The following ABTB3 variants were observed in gnomAD, a reference collection of about 807,000 sequenced individuals.
ABTB3 encodes ankyrin repeat- and BTB/POZ domain-containing protein 3.
the ABTB3 span, among the ~76,000 whole-genome samples, chr12:107,621,115 A>C: frequency 6.6e-6 from 1 of 152,224 alleles, no homozygotes; most frequent in Non-Finnish European, 1.5e-5. Context: ...AGGAGGCAGC[A>C]ACACAGCATC....
chr12:107,447,799 G>A, the ABTB3 span, among the ~76,000 whole-genome samples: 1 of 152,136 alleles, frequency 6.6e-6, no homozygotes, highest in Non-Finnish European at 1.5e-5. Flanking sequence ...GCCAAGAACA[G>A]CCTCTTCATG....
the ABTB3 span, among the ~76,000 whole-genome samples, chr12:107,514,027 T>C: frequency 6.6e-6 from 1 of 152,248 alleles, no homozygotes; most frequent in African/African-American, 2.4e-5. Flanking sequence ...AGGTACTTTC[T>C]ATAGGCCAGA....
At chr12:107,498,856 G>A in the ABTB3 span, among the ~76,000 whole-genome samples, 46,230 of 152,110 alleles carry the variant, frequency 0.3, 9,118 homozygotes, top group African/African-American at 0.56. Flanking sequence ...CATCTTTGGG[G>A]ACCATTATAA....
At chr12:107,334,069 G>T in the ABTB3 span, among the ~76,000 whole-genome samples, 1 of 152,196 alleles carries the variant, frequency 6.6e-6, no homozygotes, top group African/African-American at 2.4e-5. Context: ...GCATGAGTGA[G>T]CCAAGAGTAA....
chr12:107,414,967 G>C, the ABTB3 span, among the ~76,000 whole-genome samples: 2 of 152,138 alleles, frequency 1.3e-5, no homozygotes, highest in African/African-American at 4.8e-5. Context: ...ACCTGCCTTG[G>C]CTTCCCAAAG....
chr12:107,392,881 C>G, the ABTB3 span, among the ~76,000 whole-genome samples: 1 of 152,276 alleles, frequency 6.6e-6, no homozygotes, highest in African/African-American at 2.4e-5. Context: ...TTTCTCTGAC[C>G]TGGGGAAGCT....
the ABTB3 span, among the ~76,000 whole-genome samples, chr12:107,565,018 A>G: frequency 6.6e-6 from 1 of 152,242 alleles, no homozygotes; most frequent in African/African-American, 2.4e-5. Context: ...TGACTGGTGT[A>G]TATAACTAGA....
chr12:107,332,850 G>T, the ABTB3 span, among the ~76,000 whole-genome samples: 1 of 152,218 alleles, frequency 6.6e-6, no homozygotes, highest in Non-Finnish European at 1.5e-5. Flanking sequence ...ATTTGCCACT[G>T]CTGAGCTTCC....
the ABTB3 span, among the ~76,000 whole-genome samples, chr12:107,492,196 G>C: frequency 6.6e-6 from 1 of 152,192 alleles, no homozygotes; most frequent in Non-Finnish European, 1.5e-5. Flanking sequence ...TGAGAACTTA[G>C]ATATCTGAGA....
chr12:107,505,274 C>A, the ABTB3 span, among the ~76,000 whole-genome samples: 1 of 151,960 alleles, frequency 6.6e-6, no homozygotes, highest in Admixed American at 6.6e-5. Context: ...AAAATAGCCT[C>A]GAAATATCTT....
At chr12:107,355,070 G>C in the ABTB3 span, among the ~76,000 whole-genome samples, 1 of 152,170 alleles carries the variant, frequency 6.6e-6, no homozygotes, top group Non-Finnish European at 1.5e-5. Context: ...AGTAATGTTT[G>C]AGGGGTCCCT....
the ABTB3 span, among the ~76,000 whole-genome samples, chr12:107,506,543 GA>G: frequency 0.22 from 32,264 of 148,464 alleles, 3,560 homozygotes; most frequent in African/African-American, 0.24. Flanking sequence ...TAATAACCAT[GA>G]AAAAAAAAAG....
chr12:107,451,857 G>T, the ABTB3 span, among the ~76,000 whole-genome samples: 2 of 152,238 alleles, frequency 1.3e-5, no homozygotes, highest in Non-Finnish European at 2.9e-5. Context: ...GGTGTTGAGT[G>T]TTGTTTACTG....
the ABTB3 span, among the ~76,000 whole-genome samples, chr12:107,469,252 C>A: frequency 6.6e-6 from 1 of 152,120 alleles, no homozygotes; most frequent in Non-Finnish European, 1.5e-5. Flanking sequence ...GTGGTTGGCT[C>A]CCAAAACCAG....
chr12:107,642,498 C>T, the ABTB3 span, among the ~76,000 whole-genome samples: 3 of 152,002 alleles, frequency 2.0e-5, no homozygotes, highest in Non-Finnish European at 4.4e-5. Flanking sequence ...GTAGAGTACT[C>T]GAGGCGTGAG....
chr12:107,341,177 G>A, the ABTB3 span, among the ~76,000 whole-genome samples: 1 of 152,184 alleles, frequency 6.6e-6, no homozygotes, highest in Non-Finnish European at 1.5e-5. Flanking sequence ...AGCTGCAGGT[G>A]CAGACAGGGA....
chr12:107,327,419 G>C, the ABTB3 span, among the ~76,000 whole-genome samples: 1 of 152,120 alleles, frequency 6.6e-6, no homozygotes, highest in Non-Finnish European at 1.5e-5. Flanking sequence ...TTGGGGTTTA[G>C]ACATAGTTGT....
chr12:107,409,043 G>C, the ABTB3 span, among the ~76,000 whole-genome samples: 2 of 152,216 alleles, frequency 1.3e-5, no homozygotes, highest in Non-Finnish European at 2.9e-5. Context: ...CTTCTGAGTG[G>C]ATCTTTAAAG....
At chr12:107,434,386 G>A in the ABTB3 span, among the ~76,000 whole-genome samples, 1 of 152,202 alleles carries the variant, frequency 6.6e-6, no homozygotes, top group African/African-American at 2.4e-5. Flanking sequence ...GGGCATGTGG[G>A]CGAGACACCC....
Sources: allele counts gnomAD v4.1 joint callset (sites outside exome capture counted in the v4.1 genomes callset), GRCh38; gene constraint gnomAD v4.1.1; transcripts MANE v1.5; gene names NCBI Gene and HGNC (gene_info 2026-07-23, HGNC 2026-07-21).